Variants in SUN1 observed in about 807,000 individuals in gnomAD.
The protein encoded by SUN1 is SUN domain-containing protein 1.
In SUN1, 61 loss-of-function variants were observed where a neutral mutation model predicts 103.2. That is an observed-to-expected ratio of 0.59 (90% CI 0.48 to 0.73). The LOEUF (loss-of-function observed/expected upper bound fraction) is 0.73, where lower values mean the gene tolerates loss of function less well. Among genes scored for constraint, SUN1 ranks in the 30% least tolerant of loss-of-function variants. SUN1 has a pLI of 0.00. For missense variants in SUN1, 1,052 were observed against 1,034.6 expected (o/e 1.02, Z -0.23); for synonymous variants, 490 against 425.7 (o/e 1.15, Z -1.86).
intron 5 of SUN1, chr7:850,198 C>G (rs1229161683): frequency 9.0e-6 from 6 of 666,026 alleles, no homozygotes; most frequent in Non-Finnish European, 1.5e-5. Flanking sequence ...TCGAAAAGCT[C>G]CCTTGTAAAT....
At chr7:867,663 T>G (rs1352317553) in intron 16 of SUN1, among the ~76,000 whole-genome samples, 1 of 152,172 alleles carries the variant, frequency 6.6e-6, no homozygotes, top group East Asian at 1.9e-4. Context: ...CCAATCACTG[T>G]GCTGGGACTG....
At chr7:831,121 A>G, upstream of SUN1, 11 of 586,994 alleles carry the variant, frequency 1.9e-5, no homozygotes, top group African/African-American at 2.0e-5. Flanking sequence ...TATTACGTGG[A>G]TTAAGTGATC....
In SUN1 at chr7:839,816, A is replaced by G. The variant is rs372581341; in HGVS notation, c.266+830A>G. On this transcript the variant is annotated intron_variant, in intron 2 of 18. Coordinates refer to ENST00000401592, the MANE Select transcript of SUN1 (RefSeq NM_001130965.3). ...TGATCCGCCCATTGCAGCCTCCCAA[A>G]GTGCTGCGATTACAGGCGTGAGCCA... Among the ~76,000 whole-genome samples the G allele has an allele frequency of 1.6e-4, 7 of 44,858 alleles. 3 individuals are homozygous for G. The highest frequency in any genetic ancestry group is 7.0e-4 in the Admixed American group (3 of 4,274). The allele number at this position is 44,858 out of a possible 152,430, so 29.4% of individuals were successfully genotyped here.
chr7:818,409 A>C (rs1462237450), intron 1 of SUN1, among the ~76,000 whole-genome samples: 4 of 152,178 alleles, frequency 2.6e-5, no homozygotes, highest in Admixed American at 1.3e-4. Flanking sequence ...CATTGTATAG[A>C]TATACCACAT....
chr7:832,030 G>A (rs1170290793), upstream of SUN1: 8 of 987,312 alleles, frequency 8.1e-6, no homozygotes, highest in African/African-American at 1.7e-5. Flanking sequence ...TTTCTTTTCT[G>A]ATTCTGAGAT....
intron 1 of SUN1, among the ~76,000 whole-genome samples, chr7:836,724 A>G (rs1292675919): frequency 6.6e-6 from 1 of 152,218 alleles, no homozygotes; most frequent in Non-Finnish European, 1.5e-5. Flanking sequence ...TCATCCAGAA[A>G]TAACCTCACA....
intron 7 of SUN1, chr7:852,320 GT>G (rs928005665): frequency 2.0e-4 from 118 of 595,830 alleles, no homozygotes; most frequent in African/African-American, 2.0e-3. Flanking sequence ...CCCTGCTGCA[GT>G]TCCCAGTGGC....
At chr7:852,066 A>T (rs1554263441) in intron 7 of SUN1, 23 bp downstream of exon 7, 2 of 1,610,552 alleles carry the variant, frequency 1.2e-6, no homozygotes, top group Non-Finnish European at 1.7e-6. Context: ...ATATCATGTC[A>T]GCGTGGTGCT....
In SUN1 at chr7:850,049, G is replaced by A. The variant is rs188013686; in HGVS notation, c.659-1335G>A. 1.8e-5 allele frequency: 28 copies of A among 1,555,238 alleles called. No homozygotes were observed. The East Asian group carries it at 3.1e-4, about 17-fold the overall frequency. On this transcript the variant is annotated intron_variant, in intron 5 of 18. Coordinates refer to ENST00000401592, the MANE Select transcript of SUN1 (RefSeq NM_001130965.3). ...GCATGTGCAGGTTGTCTCTCGCCCC[G>A]TCTCCGTCTCATCTCGCCCTGTCAC...
upstream of SUN1, among the ~76,000 whole-genome samples, chr7:828,063 C>T (rs924453345): frequency 8.8e-4 from 134 of 151,812 alleles, no homozygotes; most frequent in Non-Finnish European, 1.4e-3. Flanking sequence ...ACCACCACAC[C>T]CGGCTGATTT....
At chr7:839,599 G>C (rs1807151188) in intron 2 of SUN1, among the ~76,000 whole-genome samples, 1 of 46,778 alleles carries the variant, frequency 2.1e-5, no homozygotes, top group African/African-American at 7.9e-5. Flanking sequence ...GCCCAGGCTG[G>C]AGTACAGTGG....
chr7:832,363 A>G, upstream of SUN1: 1 of 732,790 alleles, frequency 1.4e-6, no homozygotes. Context: ...TTTAGAAAAC[A>G]CTGCTGCTGG....
intron 15 of SUN1, among the ~76,000 whole-genome samples, chr7:864,554 CAA>C (rs551547626): frequency 1.4e-4 from 13 of 95,156 alleles, no homozygotes; most frequent in African/African-American, 1.5e-4. Flanking sequence ...AACTTTATCT[CAA>C]AAAAAAAAAA....
intron 1 of SUN1, among the ~76,000 whole-genome samples, chr7:823,110 A>G (rs1312414382): frequency 6.6e-6 from 1 of 152,246 alleles, no homozygotes; most frequent in Non-Finnish European, 1.5e-5. Flanking sequence ...GCTTAGTGGC[A>G]AAGCGAGCAG....
chr7:856,052 C>T (rs535045340), intron 11 of SUN1, among the ~76,000 whole-genome samples: 11 of 152,202 alleles, frequency 7.2e-5, no homozygotes, highest in South Asian at 2.1e-4. Flanking sequence ...CTGTCCTTCA[C>T]GTTTAGAACA....
chr7:838,784 C>G lies in SUN1; in HGVS notation c.78-14C>G. On this transcript the variant is annotated splice_polypyrimidine_tract_variant and intron_variant, in intron 1 of 18. Coordinates refer to ENST00000401592, the MANE Select transcript of SUN1 (RefSeq NM_001130965.3). ...ATAAGCACTGCTTACCTCTGATGAG[C>G]TTTTTCCTTCTAGTTCCAGCTATTC... The G allele has an allele frequency of 6.5e-7, 1 of 1,531,526 alleles. No homozygotes were observed. Among genetic ancestry groups the G allele is most frequent in the East Asian group, 2.5e-5 (1 of 40,668 alleles). The allele number at this position is 1,531,526 out of a possible 1,614,324, so 94.9% of individuals were successfully genotyped here.
chr7:851,364 C>G lies in SUN1; in HGVS notation c.659-20C>G. ...GGTCCCTGGCGTCTGTCTGAGGCCA[C>G]ACACGTCTTCCCTGCACAGGTTACT... On this transcript the variant is annotated intron_variant, in intron 5 of 18. Transcript: ENST00000401592. The G allele has an allele frequency of 6.4e-7, 1 of 1,566,936 alleles. No homozygotes were observed. Among genetic ancestry groups the G allele is most frequent in the South Asian group, 1.2e-5 (1 of 85,380 alleles).
chr7:828,268 T>TTTTTTG (rs1562515421), upstream of SUN1, among the ~76,000 whole-genome samples: 2 of 47,950 alleles, frequency 4.2e-5, no homozygotes, highest in African/African-American at 1.3e-4. Context: ...TTGTTTTTTG[T>TTTTTTG]TTTTGTTTTG....
chr7:860,636 A>G (rs761151555), intron 14 of SUN1, among the ~76,000 whole-genome samples: 4 of 152,170 alleles, frequency 2.6e-5, no homozygotes, highest in Non-Finnish European at 4.4e-5. Context: ...TACTTTGTGA[A>G]TCTTTTTGTC....
Sources: gnomAD v4.1 joint callset for allele counts (sites outside exome capture counted in the v4.1 genomes callset) on GRCh38, gnomAD v4.1.1 for gene constraint, MANE v1.5 for transcripts, NCBI Gene and HGNC (gene_info 2026-07-23, HGNC 2026-07-21) for gene names.